GHR: variants seen among roughly 807,000 people sequenced by gnomAD.
The protein encoded by GHR is GH receptor.
In GHR, 35 loss-of-function variants were observed where a neutral mutation model predicts 67.1. The observed-to-expected ratio is 0.52, with a 90% CI of 0.40 to 0.69. The LOEUF (loss-of-function observed/expected upper bound fraction) is 0.69, where lower values mean the gene tolerates loss of function less well. Ranked by LOEUF, GHR falls within the 30% of genes least tolerant of loss-of-function variation. The pLI is 0.00. For synonymous variants in GHR, 272 were observed against 269.1 expected (o/e 1.01, Z -0.10); for missense variants, 792 against 764.6 (o/e 1.04, Z -0.42).
intron 1 of GHR, among the ~76,000 whole-genome samples, chr5:42,480,020 A>G (rs750230948): frequency 6.6e-6 from 1 of 152,130 alleles, no homozygotes. Context: ...TCTGGTGGGC[A>G]TTTAGTGCTA....
At chr5:42,531,674 T>A (rs1248043940) in intron 1 of GHR, among the ~76,000 whole-genome samples, 1 of 152,222 alleles carries the variant, frequency 6.6e-6, no homozygotes, top group African/African-American at 2.4e-5. Flanking sequence ...ATTATTTTGA[T>A]GTTTCTTAAC....
At chr5:42,474,295 G>GAGAAAGAAAGAAAGAAAGAAAGAA (rs59927289) in intron 1 of GHR, among the ~76,000 whole-genome samples, 7,631 of 80,742 alleles carry the variant, frequency 0.095, 646 homozygotes, top group East Asian at 0.12. Context: ...AAAAGAGAAA[G>GAGAAAGAAAGAAAGAAAGAAAGAA]AGAAAGAAAG....
chr5:42,677,018 A>C (rs934701041), intron 3 of GHR, among the ~76,000 whole-genome samples: 9 of 152,252 alleles, frequency 5.9e-5, no homozygotes, highest in African/African-American at 1.9e-4. Flanking sequence ...GTCCCAAGGA[A>C]GCACCCAGCA....
chr5:42,588,329 C>T (rs988605495), intron 2 of GHR, among the ~76,000 whole-genome samples: 5 of 151,784 alleles, frequency 3.3e-5, no homozygotes, highest in African/African-American at 1.2e-4. Context: ...ACCATCCTGG[C>T]TAACACAGTG....
At chr5:42,671,692 C>T (rs1203168257) in intron 3 of GHR, among the ~76,000 whole-genome samples, 1 of 150,174 alleles carries the variant, frequency 6.7e-6, no homozygotes, top group Non-Finnish European at 1.5e-5. Context: ...CGCGGTGGCT[C>T]ACACCTGTAA....
chr5:42,627,115 G>A (rs1753741229), intron 2 of GHR, among the ~76,000 whole-genome samples: 1 of 152,082 alleles, frequency 6.6e-6, no homozygotes, highest in Admixed American at 6.5e-5. Flanking sequence ...ATAAAGTTCT[G>A]TTTCTCTCAT....
chr5:42,664,881 C>T (rs1755870729), intron 3 of GHR, among the ~76,000 whole-genome samples: 1 of 152,138 alleles, frequency 6.6e-6, no homozygotes, highest in Admixed American at 6.5e-5. Flanking sequence ...CTACAATGAA[C>T]TCAAACAAAT....
chr5:42,591,824 G>A (rs959963764), intron 2 of GHR, among the ~76,000 whole-genome samples: 20 of 152,250 alleles, frequency 1.3e-4, no homozygotes, highest in Admixed American at 1.2e-3. Flanking sequence ...GAAAGAAACA[G>A]ATAAACTAAT....
intron 1 of GHR, among the ~76,000 whole-genome samples, chr5:42,435,700 A>G (rs1002961150): frequency 1.2e-4 from 18 of 152,222 alleles, no homozygotes; most frequent in Non-Finnish European, 2.4e-4. Flanking sequence ...TAATTCCCCC[A>G]GAGCTTCCAC....
intron 1 of GHR, among the ~76,000 whole-genome samples, chr5:42,556,880 T>C (rs1749339572): frequency 6.6e-6 from 1 of 152,202 alleles, no homozygotes; most frequent in Non-Finnish European, 1.5e-5. Context: ...GGCCAAGCAT[T>C]TGGCTACTGA....
At chr5:42,545,239 AT>A (rs1229356058) in intron 1 of GHR, among the ~76,000 whole-genome samples, 1 of 152,222 alleles carries the variant, frequency 6.6e-6, no homozygotes, top group Non-Finnish European at 1.5e-5. Context: ...AATCTAATCA[AT>A]TAATATTAGC....
intron 6 of GHR, among the ~76,000 whole-genome samples, chr5:42,701,395 A>G (rs751054388): frequency 6.6e-6 from 1 of 152,204 alleles, no homozygotes; most frequent in African/African-American, 2.4e-5. Context: ...TGTGTGACAT[A>G]TGGGAATTAC....
intron 1 of GHR, among the ~76,000 whole-genome samples, chr5:42,499,928 T>C (rs180728466): frequency 1.3e-5 from 2 of 152,326 alleles, no homozygotes; most frequent in Admixed American, 1.3e-4. Context: ...GGCAAGCATA[T>C]GTCCCTTCTA....
In GHR at chr5:42,616,978, A is replaced by C. The variant is rs538085498; in HGVS notation, c.71-12060A>C. On this transcript the variant is annotated intron_variant, in intron 2 of 9. Transcript: ENST00000230882. ...GAAGGATTAGAAGTAAAACCAAAGT[A>C]GATTCAGAAGAGGAGAAATTAGGAA... Among the ~76,000 whole-genome samples the C allele has an allele frequency of 2.0e-5, 3 of 152,214 alleles. No individual in the cohort carries two copies. The South Asian group carries it at 6.2e-4, about 32-fold the overall frequency.
intron 1 of GHR, among the ~76,000 whole-genome samples, chr5:42,542,186 T>C (rs969942300): frequency 6.6e-6 from 1 of 152,140 alleles, no homozygotes; most frequent in Non-Finnish European, 1.5e-5. Flanking sequence ...TTGACCAGGA[T>C]GAAGTACTTA....
chr5:42,615,324 C>T (rs916075156), intron 2 of GHR, among the ~76,000 whole-genome samples: 1 of 151,946 alleles, frequency 6.6e-6, no homozygotes, highest in Non-Finnish European at 1.5e-5. Context: ...AGAAATGTAT[C>T]ACTCTTGGGC....
chr5:42,700,115 T>G (rs998149199), intron 6 of GHR, 113 bp downstream of exon 6: 1 of 702,696 alleles, frequency 1.4e-6, no homozygotes, highest in Non-Finnish European at 2.6e-6. Context: ...TGCTGTATGC[T>G]CCATAATTTC....
At chr5:42,499,171 G>A (rs548766917) in intron 1 of GHR, among the ~76,000 whole-genome samples, 16 of 152,234 alleles carry the variant, frequency 1.1e-4, no homozygotes, top group African/African-American at 3.9e-4. Context: ...GAGGCAGCAG[G>A]TGTCTCTGTA....
chr5:42,718,722 T>G lies in GHR; in HGVS notation c.1215T>G (p.His405Gln). 1.2e-6 allele frequency: 2 copies of G among 1,614,118 alleles called. No homozygotes were observed. Among genetic ancestry groups the G allele is most frequent in the Non-Finnish European group, 8.5e-7 (1 of 1,180,006 alleles). The change falls in exon 10 of 10, where the codon CAT becomes CAG. Residue 405 changes from histidine to glutamine, a missense_variant. Physicochemically the swap from His to Gln is conservative, Grantham distance 24. Coordinates refer to ENST00000230882, the MANE Select transcript of GHR (RefSeq NM_000163.5). ...LETDFNANDI[H>Q]EGTSEVAQPQ... ...CTGATTTCAATGCCAATGACATACA[T>G]GAGGGTACCTCAGAGGTTGCTCAGC... is the stretch of plus-strand genomic sequence containing the variant.
Sources: gnomAD v4.1 joint callset for allele counts (sites outside exome capture counted in the v4.1 genomes callset) on GRCh38, gnomAD v4.1.1 for gene constraint, MANE v1.5 for transcripts, NCBI Gene and HGNC (gene_info 2026-07-23, HGNC 2026-07-21) for gene names.